Variants in TF observed in about 807,000 individuals in gnomAD.
The protein encoded by TF is transferrin.
A neutral mutation model predicts 82.4 loss-of-function variants in TF; 55 were observed. That is an observed-to-expected ratio of 0.67 (90% CI 0.54 to 0.84). The LOEUF is 0.84. TF is among the 40% of genes least tolerant of loss of function. TF has a pLI of 0.00. For missense variants in TF, 737 were observed against 868.4 expected, an observed-to-expected ratio of 0.85 and a Z score of 1.90; for synonymous variants, 332 against 332.6, an observed-to-expected ratio of 1.00 and a Z score of 0.02.
the TF span, among the ~76,000 whole-genome samples, chr3:133,674,285 T>C: frequency 6.6e-6 from 1 of 152,164 alleles, no homozygotes; most frequent in African/African-American, 2.4e-5. Context: ...CGCGGATCTC[T>C]CTCTGGGTTG....
chr3:133,716,319 T>C, the TF span, among the ~76,000 whole-genome samples: 44 of 152,238 alleles, frequency 2.9e-4, no homozygotes, highest in Non-Finnish European at 5.1e-4. Context: ...CATCTCAAAC[T>C]TAAATGTCCA....
the TF span, among the ~76,000 whole-genome samples, chr3:133,729,098 G>C: frequency 4.6e-5 from 7 of 152,182 alleles, no homozygotes; most frequent in African/African-American, 1.7e-4. Flanking sequence ...CTGCTTGGGG[G>C]TCAGGGGTCA....
the TF span, among the ~76,000 whole-genome samples, chr3:133,696,738 C>A: frequency 2.6e-5 from 4 of 151,764 alleles, no homozygotes; most frequent in South Asian, 8.3e-4. Flanking sequence ...AGCACATCTG[C>A]ATTTAAATCT....
chr3:133,764,959 T>TG (rs749882616), intron 11 of TF, 52 bp downstream of exon 11: 2 of 1,583,078 alleles, frequency 1.3e-6, no homozygotes, highest in Admixed American at 3.3e-5. Flanking sequence ...CCCATTGTTT[T>TG]GGGGAATTGG....
intron 1 of TF, among the ~76,000 whole-genome samples, 186 bp downstream of exon 1, chr3:133,746,669 T>C (rs1176506692): frequency 1.3e-5 from 2 of 152,222 alleles, no homozygotes; most frequent in East Asian, 3.8e-4. Context: ...CACCTTTCAC[T>C]GCACTCACTG....
intron 9 of TF, among the ~76,000 whole-genome samples, chr3:133,759,574 C>T (rs1389660474): frequency 6.6e-6 from 1 of 152,164 alleles, no homozygotes; most frequent in Non-Finnish European, 1.5e-5. Context: ...CTGAGCAGTG[C>T]CTGCTTAGGG....
chr3:133,784,478 AAT>A lies in TF; in HGVS notation c.*5860_*5861del, dbSNP rs1371854801. 4 of 125,978 alleles carry A rather than the reference AAT, an allele frequency of 3.2e-5. No individual in the cohort carries two copies. The highest frequency in any genetic ancestry group is 7.7e-5 in the African/African-American group (2 of 26,078). The allele number at this position is 125,978 out of a possible 1,614,324, so 7.8% of individuals were successfully genotyped here. A position where few individuals can be genotyped will look rare whatever the true frequency, so the allele number is the denominator to read the frequency against. ...AATTCCCATTTGTTAAAAAAATAAT[AAT>A]AATAATAATAATAATAATAATAATA... On this transcript the variant is annotated 3_prime_UTR_variant, in exon 17 of 17. Transcript: ENST00000402696.
chr3:133,748,867 G>T (rs1421949733), intron 2 of TF, among the ~76,000 whole-genome samples: 1 of 152,034 alleles, frequency 6.6e-6, no homozygotes, highest in Non-Finnish European at 1.5e-5. Flanking sequence ...ATATAAGAAT[G>T]CCTGCTATCA....
chr3:133,740,986 A>ATTTTTT, the TF span, among the ~76,000 whole-genome samples: 6 of 47,476 alleles, frequency 1.3e-4, no homozygotes, highest in Non-Finnish European at 1.4e-4. Context: ...ATCCAGCTCT[A>ATTTTTT]TTTTTTTTTT....
At chr3:133,773,626 C>T (rs1053863428) in intron 14 of TF, 1 of 152,068 alleles carries the variant, frequency 6.6e-6, no homozygotes, top group Non-Finnish European at 1.5e-5. Flanking sequence ...CCAATACTTA[C>T]GTGGCATTTT....
the TF span, among the ~76,000 whole-genome samples, chr3:133,707,224 G>A: frequency 2.8e-3 from 159 of 57,024 alleles, no homozygotes; most frequent in African/African-American, 0.011. Context: ...ACACACACAC[G>A]CATGGAAAGA....
intron 13 of TF, among the ~76,000 whole-genome samples, chr3:133,769,424 T>C (rs1317909570): frequency 1.3e-5 from 2 of 152,210 alleles, no homozygotes; most frequent in African/African-American, 2.4e-5. Context: ...TTATAGGTCA[T>C]GAGAAAAGGC....
the TF span, among the ~76,000 whole-genome samples, chr3:133,705,931 G>A: frequency 1.3e-5 from 2 of 152,186 alleles, no homozygotes; most frequent in African/African-American, 2.4e-5. Flanking sequence ...ACTATTTGCA[G>A]GGCACTTTAT....
chr3:133,766,744 C>T (rs1576364305), intron 12 of TF, among the ~76,000 whole-genome samples: 1 of 152,194 alleles, frequency 6.6e-6, no homozygotes, highest in Non-Finnish European at 1.5e-5. Context: ...GAAACCCAGG[C>T]TCCTTCACAC....
the TF span, among the ~76,000 whole-genome samples, chr3:133,697,222 A>G: frequency 6.6e-6 from 1 of 151,982 alleles, no homozygotes; most frequent in Non-Finnish European, 1.5e-5. Flanking sequence ...ATTATCCACA[A>G]TTTTAATTAG....
chr3:133,759,082 C>G (rs181329139), intron 8 of TF, 93 bp from the exon 9 acceptor site: 1 of 1,507,600 alleles, frequency 6.6e-7, no homozygotes, highest in African/African-American at 1.4e-5. Flanking sequence ...GCTGGCAAAT[C>G]CCAGCATTTG....
At chr3:133,670,404 A>G in the TF span, among the ~76,000 whole-genome samples, 2 of 152,188 alleles carry the variant, frequency 1.3e-5, no homozygotes, top group African/African-American at 2.4e-5. Flanking sequence ...CTGCTTTGCT[A>G]TTTATGAGAG....
chr3:133,712,404 C>T, the TF span, among the ~76,000 whole-genome samples: 1 of 152,192 alleles, frequency 6.6e-6, no homozygotes, highest in Non-Finnish European at 1.5e-5. Flanking sequence ...GTCCATCTTT[C>T]GATGCCACTG....
chr3:133,708,918 A>G, the TF span, among the ~76,000 whole-genome samples: 1 of 152,182 alleles, frequency 6.6e-6, no homozygotes, highest in Middle Eastern at 3.4e-3. Context: ...GGGATTTAAT[A>G]CAGGGAATTA....
Sources: gnomAD v4.1 joint callset for allele counts (sites outside exome capture counted in the v4.1 genomes callset) on GRCh38, gnomAD v4.1.1 for gene constraint, MANE v1.5 for transcripts, NCBI Gene and HGNC (gene_info 2026-07-23, HGNC 2026-07-21) for gene names.